Variants in NTRK2 observed in about 807,000 individuals in gnomAD.
NTRK2 encodes the protein BDNF/NT-3 growth factors receptor.
In NTRK2, 13 loss-of-function variants were observed where a neutral mutation model predicts 94.5. That is an observed-to-expected ratio of 0.14 (90% CI 0.09 to 0.22). The LOEUF is 0.22. NTRK2 is among the 10% of genes least tolerant of loss of function. The pLI is 1.00. For synonymous variants in NTRK2, 372 were observed against 407.4 expected, an observed-to-expected ratio of 0.91 and a Z score of 1.05; for missense variants, 639 against 1,071.2, an observed-to-expected ratio of 0.60 and a Z score of 5.63.
Position 84,934,205 on chromosome 9 carries a change from G to A in NTRK2, c.1677G>A (p.Glu559=). ...IKRHNIVLKR[E]LGEGAFGKVF... is the part of the protein sequence containing the mutation. ...GACATAACATTGTTCTGAAAAGGGA[G>A]CTAGGCGAAGGAGCCTTTGGAAAAG... Residue 559 remains glutamate, a synonymous_variant, in exon 15 of 19, where the codon GAG becomes GAA. Coordinates refer to ENST00000277120, the MANE Select transcript of NTRK2 (RefSeq NM_006180.6). 1 of 1,614,042 alleles carries A rather than the reference G, an allele frequency of 6.2e-7. No homozygotes were observed. The highest frequency in any genetic ancestry group is 8.5e-7 in the Non-Finnish European group (1 of 1,179,934).
At chr9:84,782,037 A>ACAC (rs2067624715) in intron 12 of NTRK2, among the ~76,000 whole-genome samples, 1 of 149,550 alleles carries the variant, frequency 6.7e-6, no homozygotes, top group African/African-American at 2.5e-5. Context: ...CCTCCAAGAA[A>ACAC]ACACACACAC....
intron 14 of NTRK2, among the ~76,000 whole-genome samples, chr9:84,893,685 A>C (rs2076662639): frequency 2.0e-5 from 3 of 152,154 alleles, no homozygotes; most frequent in Admixed American, 2.0e-4. Context: ...TGATTGTTCC[A>C]TGAGACAAAG....
At chr9:85,018,576 C>T (rs537264976) in intron 17 of NTRK2, among the ~76,000 whole-genome samples, 5 of 152,318 alleles carry the variant, frequency 3.3e-5, no homozygotes, top group Non-Finnish European at 7.4e-5. Context: ...TGTATGTCAG[C>T]AGATTCCCTC....
intron 12 of NTRK2, chr9:84,810,727 G>C (rs1374349659): frequency 6.5e-7 from 1 of 1,544,640 alleles, no homozygotes; most frequent in Non-Finnish European, 8.7e-7. Context: ...GGTGTTTGGA[G>C]GCTGTACTAT....
chr9:84,778,444 A>G (rs1033670676), intron 12 of NTRK2, among the ~76,000 whole-genome samples: 5 of 152,216 alleles, frequency 3.3e-5, no homozygotes, highest in African/African-American at 1.2e-4. Context: ...TTAACCAACC[A>G]GTGATGATTC....
At chr9:84,964,233 G>A (rs1596360) in intron 17 of NTRK2, among the ~76,000 whole-genome samples, 50,797 of 151,988 alleles carry the variant, frequency 0.33, 9,083 homozygotes, top group East Asian at 0.47. Context: ...TATATTGCAT[G>A]GGAACAGTTT....
chr9:84,875,922 A>G (rs1208646616), intron 14 of NTRK2: 2 of 1,038,184 alleles, frequency 1.9e-6, no homozygotes, highest in South Asian at 4.6e-5. Context: ...GTTCAAATGA[A>G]TAAGTTCCTG....
chr9:84,903,752 C>T (rs978632241), intron 14 of NTRK2, among the ~76,000 whole-genome samples: 1 of 151,656 alleles, frequency 6.6e-6, no homozygotes, highest in South Asian at 2.1e-4. Context: ...CCTTCTCTCT[C>T]TCTCTCTCAG....
chr9:84,757,423 G>A (rs1047379215), intron 12 of NTRK2, among the ~76,000 whole-genome samples: 3 of 152,092 alleles, frequency 2.0e-5, no homozygotes, highest in African/African-American at 7.2e-5. Context: ...CATTTTTTGG[G>A]GGTAACAATT....
At chr9:84,825,941 G>T (rs1346057335) in intron 12 of NTRK2, among the ~76,000 whole-genome samples, 1 of 152,230 alleles carries the variant, frequency 6.6e-6, no homozygotes, top group Non-Finnish European at 1.5e-5. Flanking sequence ...GAATGTTTCT[G>T]AGTAAAGCTA....
chr9:84,731,008 A>G (rs1437953605), intron 9 of NTRK2, among the ~76,000 whole-genome samples: 1 of 151,434 alleles, frequency 6.6e-6, no homozygotes, highest in African/African-American at 2.4e-5. Flanking sequence ...TATTTGTTAT[A>G]TTGGAAGTTT....
intron 12 of NTRK2, among the ~76,000 whole-genome samples, chr9:84,768,239 T>A (rs2066213175): frequency 6.6e-6 from 1 of 152,244 alleles, no homozygotes; most frequent in African/African-American, 2.4e-5. Context: ...AATTCAAATA[T>A]GCCAAGTGTA....
Position 85,023,440 on chromosome 9 carries a change from T to G in NTRK2, c.*2003T>G, listed in dbSNP as rs1832879947. 1 of 232,444 alleles carries G rather than the reference T, an allele frequency of 4.3e-6. No individual in the cohort carries two copies. The highest frequency in any genetic ancestry group is 8.5e-6 in the Non-Finnish European group (1 of 117,650). The allele number at this position is 232,444 out of a possible 1,614,324, so 14.4% of individuals were successfully genotyped here. On this transcript the variant is annotated 3_prime_UTR_variant, in exon 19 of 19. Transcript: ENST00000277120. ...GCTTTGAAAGCCAATTCTCAAAAAT[T>G]CAAAAGTGCAAATTAACAGAACAAA... is the stretch of plus-strand genomic sequence containing the variant.
intron 12 of NTRK2, among the ~76,000 whole-genome samples, chr9:84,759,753 C>T (rs903793306): frequency 5.3e-5 from 8 of 152,142 alleles, no homozygotes; most frequent in African/African-American, 1.9e-4. Context: ...CCCTTCACTT[C>T]TCTTTTACCT....
chr9:84,677,957 CT>C (rs1488009635), intron 2 of NTRK2, among the ~76,000 whole-genome samples: 1 of 152,274 alleles, frequency 6.6e-6, no homozygotes, highest in African/African-American at 2.4e-5. Context: ...TTTAGAGTTC[CT>C]TTTTTTATGT....
At chr9:84,870,331 G>GTGTGTGTGTATATATATA (rs1349303529) in intron 14 of NTRK2, among the ~76,000 whole-genome samples, 33 of 31,164 alleles carry the variant, frequency 1.1e-3, no homozygotes, top group African/African-American at 2.4e-3. Context: ...GTGTGTGTGT[G>GTGTGTGTGTATATATATA]TATATATATA....
At chr9:84,908,753 G>A (rs118001965) in intron 14 of NTRK2, among the ~76,000 whole-genome samples, 1 of 152,236 alleles carries the variant, frequency 6.6e-6, no homozygotes, top group Non-Finnish European at 1.5e-5. Flanking sequence ...TGTTAATAAT[G>A]AATGGTAGCT....
rs758300027 is a variant in NTRK2, at chr9:84,826,687, A to G, written c.1397-34353A>G. 2.5e-3 allele frequency among the ~76,000 whole-genome samples: 387 copies of G among 152,274 alleles called. 1 individual carries two copies. The highest frequency in any genetic ancestry group is 4.9e-3 in the Non-Finnish European group (333 of 68,010). On this transcript the variant is annotated intron_variant, in intron 12 of 18. Coordinates refer to ENST00000277120, the MANE Select transcript of NTRK2 (RefSeq NM_006180.6). ...ATCTCAGTTTTTCCTTTTCTGTAAA[A>G]GGGGGATACTCATTTCCACCACGTA... is the stretch of plus-strand genomic sequence containing the variant.
At chr9:84,752,384 G>A (rs2064708567) in intron 12 of NTRK2, among the ~76,000 whole-genome samples, 1 of 152,192 alleles carries the variant, frequency 6.6e-6, no homozygotes, top group Non-Finnish European at 1.5e-5. Context: ...TTTTGCTCCA[G>A]AAAGGCAGGT....
Sources: allele counts gnomAD v4.1 joint callset (sites outside exome capture counted in the v4.1 genomes callset), GRCh38; gene constraint gnomAD v4.1.1; transcripts MANE v1.5; gene names NCBI Gene and HGNC (gene_info 2026-07-23, HGNC 2026-07-21).